Variants in SNCAIP observed in about 807,000 individuals in gnomAD.
SNCAIP encodes the protein synphilin-1.
SNCAIP carries 43 observed loss-of-function variants against 86.7 expected under a neutral mutation model. The observed-to-expected ratio is 0.50, with a 90% CI of 0.39 to 0.64. The LOEUF (loss-of-function observed/expected upper bound fraction) is 0.64, where lower values mean the gene tolerates loss of function less well. SNCAIP is among the 30% of genes least tolerant of loss of function. The probability of loss-of-function intolerance (pLI) is 0.00; values close to 1 mark genes in which losing one functional copy is unlikely to be tolerated. For synonymous variants in SNCAIP, 417 were observed against 427.2 expected (o/e 0.98, Z 0.29); for missense variants, 981 against 1,103.1 (o/e 0.89, Z 1.57).
intron 3 of SNCAIP, among the ~76,000 whole-genome samples, chr5:122,405,797 T>G (rs56110871): frequency 0.031 from 4,727 of 152,304 alleles, 253 homozygotes; most frequent in African/African-American, 0.11. Context: ...ACTTTTAGTT[T>G]TTCCCAGGGC....
At chr5:122,334,830 T>G (rs1163044862) in intron 1 of SNCAIP, among the ~76,000 whole-genome samples, 1 of 152,232 alleles carries the variant, frequency 6.6e-6, no homozygotes, top group East Asian at 1.9e-4. Context: ...AATAAACCAC[T>G]GATTTTGGAT....
chr5:122,433,374 A>G lies in SNCAIP; in HGVS notation c.1296+1292A>G, dbSNP rs1344282503. On this transcript the variant is annotated intron_variant, in intron 6 of 10. Transcript: ENST00000261368. ...TGCACATGGTCTAATGGCTAGTAAG[A>G]GCAAAGACTAGATTTCAACTCAGAT... Among the ~76,000 whole-genome samples the G allele has an allele frequency of 2.0e-5, 3 of 152,122 alleles. No individual in the cohort carries two copies. In the East Asian group the frequency reaches 5.8e-4, roughly 29 times the overall value.
At chr5:122,460,678 G>C (rs1193720142) in intron 10 of SNCAIP, among the ~76,000 whole-genome samples, 4 of 152,114 alleles carry the variant, frequency 2.6e-5, no homozygotes, top group African/African-American at 9.7e-5. Flanking sequence ...TTAATCACAA[G>C]GACTCATTAT....
intron 8 of SNCAIP, among the ~76,000 whole-genome samples, chr5:122,449,119 T>G (rs866366367): frequency 6.6e-6 from 1 of 152,200 alleles, no homozygotes; most frequent in African/African-American, 2.4e-5. Context: ...ATGCATTTAA[T>G]ACACCTAACC....
At chr5:122,313,575 T>A (rs1402360549) in intron 1 of SNCAIP, among the ~76,000 whole-genome samples, 1 of 152,278 alleles carries the variant, frequency 6.6e-6, no homozygotes, top group Non-Finnish European at 1.5e-5. Context: ...ATTTCATTTG[T>A]ACATATTGAA....
At chr5:122,358,362 C>T (rs941862268) in intron 1 of SNCAIP, among the ~76,000 whole-genome samples, 1 of 107,212 alleles carries the variant, frequency 9.3e-6, no homozygotes, top group African/African-American at 3.7e-5. Context: ...CCCCTCCCCC[C>T]ACCCCACAAT....
intron 2 of SNCAIP, among the ~76,000 whole-genome samples, chr5:122,394,470 T>C (rs1325836090): frequency 1.3e-5 from 2 of 152,232 alleles, no homozygotes; most frequent in East Asian, 1.9e-4. Flanking sequence ...GTTTAAACTA[T>C]ACATTCTTGT....
rs937736044 is a variant in SNCAIP, at chr5:122,461,431, C to G, written c.2755-2060C>G. ...TTGAAAATTTTCTCTTCTCCAATTT[C>G]TCTGTTCCCTCTTTTGAAAATCCTC... On this transcript the variant is annotated intron_variant, in intron 10 of 10. Transcript: ENST00000261368. 7.2e-5 allele frequency among the ~76,000 whole-genome samples: 11 copies of G among 152,184 alleles called. No homozygotes were observed. In the East Asian group the frequency reaches 1.9e-3, roughly 27 times the overall value.
intron 1 of SNCAIP, among the ~76,000 whole-genome samples, chr5:122,343,790 G>A (rs901929675): frequency 9.9e-5 from 15 of 152,114 alleles, no homozygotes; most frequent in Non-Finnish European, 1.9e-4. Flanking sequence ...AGTTGTCATT[G>A]CCAAAAATGT....
At chr5:122,403,945 G>A in intron 3 of SNCAIP, 80 bp downstream of exon 3, 1 of 1,023,524 alleles carries the variant, frequency 9.8e-7, no homozygotes, top group Non-Finnish European at 1.6e-6. Flanking sequence ...CCTCACACTG[G>A]TCCCCCCTGC....
At chr5:122,438,050 CAAG>C (rs1485032475) in intron 6 of SNCAIP, among the ~76,000 whole-genome samples, 1 of 152,192 alleles carries the variant, frequency 6.6e-6, no homozygotes, top group Non-Finnish European at 1.5e-5. Flanking sequence ...TTACATCCAA[CAAG>C]AAGATACATG....
At chr5:122,333,773 A>G (rs1755850561) in intron 1 of SNCAIP, among the ~76,000 whole-genome samples, 1 of 152,246 alleles carries the variant, frequency 6.6e-6, no homozygotes. Context: ...CAGGCTGTGA[A>G]CAGCAGTAGT....
At chr5:122,443,944 A>T (rs973565191) in intron 7 of SNCAIP, 1 of 393,816 alleles carries the variant, frequency 2.5e-6, no homozygotes, top group African/African-American at 2.1e-5. Flanking sequence ...TCTCCTCATT[A>T]AAGAGGTGAT....
chr5:122,462,524 A>G lies in SNCAIP; in HGVS notation c.2755-967A>G, dbSNP rs913322755. On this transcript the variant is annotated intron_variant, in intron 10 of 10. Transcript: ENST00000261368. ...CCTCTTCCCTTTCCCTTTCTTGCCC[A>G]TGGACAGCTCTCTAAAGTTCCAGTT... Among the ~76,000 whole-genome samples the G allele has an allele frequency of 7.2e-5, 11 of 152,110 alleles. No individual in the cohort carries two copies. The East Asian group carries it at 2.1e-3, about 29-fold the overall frequency.
intron 1 of SNCAIP, among the ~76,000 whole-genome samples, chr5:122,378,107 A>T (rs1329539501): frequency 6.8e-6 from 1 of 147,904 alleles, no homozygotes; most frequent in Non-Finnish European, 1.5e-5. Flanking sequence ...TCCCTGAGGA[A>T]TAGCCACACT....
intron 1 of SNCAIP, among the ~76,000 whole-genome samples, chr5:122,318,966 C>CTTTT (rs58667095): frequency 7.7e-6 from 1 of 130,652 alleles, no homozygotes; most frequent in Non-Finnish European, 1.7e-5. Context: ...CTGTTATCAT[C>CTTTT]TTTTTTTTTT....
At position 122,463,487 on chromosome 5, in the gene SNCAIP, T is replaced by C. The variant is rs746374934; in HGVS notation, c.2755-4T>C. 6.3e-7 allele frequency: 1 copy of C among 1,582,084 alleles called. No homozygotes were observed. Among genetic ancestry groups the C allele is most frequent in the Non-Finnish European group, 8.7e-7 (1 of 1,152,058 alleles). On this transcript the variant is annotated splice_region_variant and splice_polypyrimidine_tract_variant and intron_variant, in intron 10 of 10. Coordinates refer to ENST00000261368, the MANE Select transcript of SNCAIP (RefSeq NM_005460.4). ...TTTTGGCCTGTGGTTTCTCTTCTGC[T>C]TAGGCATAATGACATCAATAGAAAA...
intron 4 of SNCAIP, 80 bp downstream of exon 4, chr5:122,423,819 C>G: frequency 7.9e-7 from 1 of 1,260,336 alleles, no homozygotes; most frequent in Admixed American, 2.0e-5. Context: ...AGTAACAGAA[C>G]GATGCTGCAT....
chr5:122,312,533 A>C (rs942888366), intron 1 of SNCAIP: 4 of 152,144 alleles, frequency 2.6e-5, no homozygotes, highest in African/African-American at 9.7e-5. Context: ...TACTGGGGAA[A>C]GGGGGAAACA....
Sources: allele counts gnomAD v4.1 joint callset (sites outside exome capture counted in the v4.1 genomes callset), GRCh38; gene constraint gnomAD v4.1.1; transcripts MANE v1.5; gene names NCBI Gene and HGNC (gene_info 2026-07-23, HGNC 2026-07-21).